The following TEX9 variants were observed in gnomAD, a reference collection of about 807,000 sequenced individuals.
TEX9 encodes testis expressed 9, also known as testis-expressed protein 9.
TEX9 carries 74 observed loss-of-function variants against 59.6 expected under a neutral mutation model. The observed-to-expected ratio is 1.24, with a 90% CI of 1.03 to 1.51. The LOEUF (loss-of-function observed/expected upper bound fraction) is 1.51, where lower values mean the gene tolerates loss of function less well. TEX9 is among the 40% of genes most tolerant of loss of function. The pLI, the probability that TEX9 is intolerant of heterozygous loss-of-function variation, is 0.00. For synonymous variants in TEX9, 186 were observed against 152.2 expected (o/e 1.22, Z -1.64); for missense variants, 522 against 447.8 (o/e 1.17, Z -1.49).
At chr15:56,432,545 A>C (rs574827430) in intron 12 of TEX9, among the ~76,000 whole-genome samples, 112 of 152,340 alleles carry the variant, frequency 7.4e-4, no homozygotes, top group African/African-American at 2.5e-3. Flanking sequence ...AATCAAACGG[A>C]CAAAACTAAG....
In TEX9 at chr15:56,365,488, C is replaced by G; in HGVS notation, c.27+11C>G. The G allele has an allele frequency of 6.2e-7, 1 of 1,614,208 alleles. No homozygotes were observed. The highest frequency in any genetic ancestry group is 1.6e-4 in the Middle Eastern group (1 of 6,062). On this transcript the variant is annotated intron_variant, in intron 1 of 12. Coordinates refer to ENST00000352903, the Ensembl canonical transcript of TEX9. ...AGTCTGTGTCTCACGGTCAGTTCAA[C>G]TCCAGGCTCCTGGGGAGCGTCTGGG...
At chr15:56,455,201 T>G in the TEX9 span, among the ~76,000 whole-genome samples, 1 of 148,792 alleles carries the variant, frequency 6.7e-6, no homozygotes. Context: ...TCTATTTAAT[T>G]CTTGTTTTCA....
At chr15:56,344,195 G>T (rs764519201) in intron 1 of TEX9, among the ~76,000 whole-genome samples, 2 of 152,076 alleles carry the variant, frequency 1.3e-5, no homozygotes, top group African/African-American at 2.4e-5. Flanking sequence ...GAAAACATAT[G>T]TTCACTCTAA....
At chr15:56,324,961 A>T (rs900778606) in intron 1 of TEX9, among the ~76,000 whole-genome samples, 3 of 152,208 alleles carry the variant, frequency 2.0e-5, no homozygotes, top group Non-Finnish European at 4.4e-5. Context: ...TAGACAGATT[A>T]TAAAGGAAAA....
At chr15:56,460,009 A>AAAAAAAAAATATATATATATATATAT in the TEX9 span, among the ~76,000 whole-genome samples, 9 of 26,382 alleles carry the variant, frequency 3.4e-4, 1 homozygote, top group African/African-American at 9.0e-4. Context: ...AAAAAAAAAA[A>AAAAAAAAAATATATATATATATATAT]ATACATATAT....
chr15:56,346,487 A>AAATT (rs1364707095), intron 1 of TEX9, among the ~76,000 whole-genome samples: 1 of 152,198 alleles, frequency 6.6e-6, no homozygotes, highest in African/African-American at 2.4e-5. Flanking sequence ...AGAAGCACTT[A>AAATT]AAGCCCCAGA....
chr15:56,363,781 T>G (rs1287250436), upstream of TEX9, among the ~76,000 whole-genome samples: 1 of 151,828 alleles, frequency 6.6e-6, no homozygotes, highest in African/African-American at 2.4e-5. Flanking sequence ...TCCTCCCACC[T>G]CAGTCTCCTA....
intron 9 of TEX9, among the ~76,000 whole-genome samples, chr15:56,409,195 C>CAA (rs879758309): frequency 8.1e-6 from 1 of 122,920 alleles, no homozygotes; most frequent in Non-Finnish European, 1.7e-5. Context: ...GACTCCGTCT[C>CAA]AAAAAAAAAA....
rs1453506588 is a variant in TEX9, at chr15:56,266,618, T to C, written c.-107+22340T>C. Among the ~76,000 whole-genome samples, 3 of 152,234 alleles carry C rather than the reference T, an allele frequency of 2.0e-5. No homozygotes were observed. In the East Asian group the frequency reaches 5.8e-4, roughly 29 times the overall value. On this transcript the variant is annotated intron_variant, in intron 1 of 5. Coordinates refer to the TEX9 transcript ENST00000560827. ...TGTGATACTTTGCTCAGAATGATGG[T>C]TTCCAGCTTCATCCATGTCGCTACA...
intron 1 of TEX9, among the ~76,000 whole-genome samples, chr15:56,266,401 G>T (rs1158457882): frequency 1.3e-5 from 2 of 151,418 alleles, no homozygotes; most frequent in East Asian, 3.9e-4. Context: ...ATGTATACAT[G>T]TGCCGTGTTG....
chr15:56,434,297 C>A, intron 12 of TEX9: 1 of 1,613,888 alleles, frequency 6.2e-7, no homozygotes, highest in South Asian at 1.1e-5. Context: ...TCTCCTCTTC[C>A]TCTTTTGCAG....
chr15:56,399,802 T>C (rs960065435), intron 9 of TEX9, among the ~76,000 whole-genome samples: 27 of 152,286 alleles, frequency 1.8e-4, no homozygotes, highest in African/African-American at 6.0e-4. Context: ...TCTGCAATAT[T>C]TGCTGTTCTG....
chr15:56,368,268 A>G lies in TEX9; in HGVS notation c.119+2598A>G, dbSNP rs116566068. ...TTTCCCTCCTTTAATGTTTTAACATACTGAACTACAAAGGCAGGTTTCTTG... is the reference window on the plus strand; with the variant it reads ...TTTCCCTCCTTTAATGTTTTAACATGCTGAACTACAAAGGCAGGTTTCTTG... On this transcript the variant is annotated intron_variant, in intron 2 of 12. Coordinates refer to ENST00000352903, the Ensembl canonical transcript of TEX9. 9.9e-3 allele frequency among the ~76,000 whole-genome samples: 1,501 copies of G among 152,238 alleles called. 21 individuals are homozygous for G. The highest frequency in any genetic ancestry group is 0.034 in the African/African-American group (1,419 of 41,576).
chr15:56,447,297 TC>T (rs147198989), downstream of TEX9: 4,804 of 163,742 alleles, frequency 0.029, 178 homozygotes, highest in East Asian at 0.09. Flanking sequence ...CTTGATACTT[TC>T]ATTTCCATAT....
intron 1 of TEX9, among the ~76,000 whole-genome samples, chr15:56,316,045 C>A (rs2045750069): frequency 6.6e-6 from 1 of 150,392 alleles, no homozygotes; most frequent in Non-Finnish European, 1.5e-5. Flanking sequence ...TCTAGTTATA[C>A]CTTCTTCTAA....
At chr15:56,451,984 A>G in the TEX9 span, among the ~76,000 whole-genome samples, 1 of 152,200 alleles carries the variant, frequency 6.6e-6, no homozygotes, top group Non-Finnish European at 1.5e-5. Flanking sequence ...TTCTGATACA[A>G]CATTTCATCA....
At chr15:56,413,242 ATAATT>A (rs1196303800) in intron 10 of TEX9, among the ~76,000 whole-genome samples, 20 of 144,598 alleles carry the variant, frequency 1.4e-4, no homozygotes, top group Non-Finnish European at 2.6e-4. Flanking sequence ...TAATACTTAA[ATAATT>A]TAATTTATTT....
Position 56,339,383 on chromosome 15 carries a change from C to CAAAAAAAAAAAAAAAAAAAAAA in TEX9, c.-106-34048_-106-34027dup, listed in dbSNP as rs71456382. Among the ~76,000 whole-genome samples, 11 of 30,766 alleles carry CAAAAAAAAAAAAAAAAAAAAAA rather than the reference C, an allele frequency of 3.6e-4. 1 individual carries two copies. Among genetic ancestry groups the CAAAAAAAAAAAAAAAAAAAAAA allele is most frequent in the African/African-American group, 1.2e-3 (10 of 8,326 alleles). The allele number at this position is 30,766 out of a possible 152,430, so 20.2% of individuals were successfully genotyped here. On this transcript the variant is annotated intron_variant, in intron 1 of 5. Transcript: ENST00000560827. ...GGGTGTCAGAGCAAGACTCCTTCTC[C>CAAAAAAAAAAAAAAAAAAAAAA]AAAAAAAAAAAAAAAAAAAAAAAAA...
At chr15:56,455,239 C>T in the TEX9 span, among the ~76,000 whole-genome samples, 7 of 98,192 alleles carry the variant, frequency 7.1e-5, no homozygotes, top group South Asian at 4.2e-4. Flanking sequence ...AATAGTTCAT[C>T]GTCAGGTGAA....
Sources: gnomAD v4.1 joint callset for allele counts (sites outside exome capture counted in the v4.1 genomes callset) on GRCh38, gnomAD v4.1.1 for gene constraint, MANE v1.5 for transcripts, NCBI Gene and HGNC (gene_info 2026-07-23, HGNC 2026-07-21) for gene names.